Variants in FAM168A observed in about 807,000 individuals in gnomAD.
The protein encoded by FAM168A is family with sequence similarity 168 member A.
In FAM168A, 3 loss-of-function variants were observed where a neutral mutation model predicts 28.5. The ratio of observed to expected loss-of-function variants is 0.11; its 90% CI spans 0.05 to 0.27. The LOEUF is 0.27. FAM168A is among the 10% of genes least tolerant of loss of function. The pLI is 1.00. For missense variants in FAM168A, 222 were observed against 311.5 expected (o/e 0.71, Z 2.16); for synonymous variants, 122 against 124.2 (o/e 0.98, Z 0.12).
chr11:73,502,243 G>A (rs906223206), intron 1 of FAM168A, among the ~76,000 whole-genome samples: 1 of 149,588 alleles, frequency 6.7e-6, no homozygotes, highest in African/African-American at 2.5e-5. Flanking sequence ...TAACAAAATA[G>A]ATAGACTGCT....
At chr11:73,498,756 CAG>C (rs1233267065) in intron 1 of FAM168A, among the ~76,000 whole-genome samples, 2 of 152,208 alleles carry the variant, frequency 1.3e-5, no homozygotes, top group Non-Finnish European at 2.9e-5. Context: ...AGTCTGTGGG[CAG>C]AGTGCCAGTT....
At chr11:73,493,382 A>C (rs1854798240) in intron 1 of FAM168A, among the ~76,000 whole-genome samples, 1 of 152,042 alleles carries the variant, frequency 6.6e-6, no homozygotes. Context: ...CTGTGTATGT[A>C]TCTTTAGTTT....
chr11:73,548,248 T>C lies in FAM168A; in HGVS notation c.-19+49675A>G, dbSNP rs140221013. On this transcript the variant is annotated intron_variant, in intron 1 of 7. Transcript: ENST00000356467. ...ATTTTATGTTTTTCATCACAATTTA[T>C]AAATAAATAAATAAATAAGCAAGCA... Among the ~76,000 whole-genome samples, 718 of 151,896 alleles carry C rather than the reference T, an allele frequency of 4.7e-3. 4 individuals are homozygous for C. The highest frequency in any genetic ancestry group is 7.4e-3 in the Non-Finnish European group (504 of 67,918).
chr11:73,487,277 G>C (rs1868065910), intron 1 of FAM168A, among the ~76,000 whole-genome samples: 1 of 152,006 alleles, frequency 6.6e-6, no homozygotes, highest in South Asian at 2.1e-4. Flanking sequence ...CCTCTCCTAT[G>C]AATGTCCCCT....
intron 2 of FAM168A, among the ~76,000 whole-genome samples, chr11:73,445,373 C>G (rs1297761010): frequency 6.7e-6 from 1 of 149,016 alleles, no homozygotes; most frequent in African/African-American, 2.5e-5. Flanking sequence ...TCTGGCAGAG[C>G]CAGAACTAGA....
At chr11:73,518,909 C>T (rs766337530) in intron 1 of FAM168A, among the ~76,000 whole-genome samples, 18 of 151,706 alleles carry the variant, frequency 1.2e-4, no homozygotes, top group Non-Finnish European at 2.1e-4. Context: ...AAAATTGGCA[C>T]CTCCCTCAAC....
At chr11:73,499,177 C>G (rs773325838) in intron 1 of FAM168A, among the ~76,000 whole-genome samples, 1 of 152,116 alleles carries the variant, frequency 6.6e-6, no homozygotes, top group Admixed American at 6.5e-5. Context: ...GCTCTTCCAG[C>G]CTCCTTCAGT....
rs1866399123 is a variant in FAM168A, at chr11:73,401,115, A to ATTTT, written c.*5647_*5648insAAAA. 2 of 137,528 alleles carry ATTTT rather than the reference A, an allele frequency of 1.5e-5. No individual in the cohort carries two copies. The highest frequency in any genetic ancestry group is 6.0e-5 in the African/African-American group (2 of 33,208). 8.5% of individuals were successfully genotyped at this position (137,528 alleles called of 1,614,324 possible). On this transcript the variant is annotated 3_prime_UTR_variant, in exon 8 of 8. Coordinates refer to ENST00000356467, the MANE Select transcript of FAM168A (RefSeq NM_015159.3). The stretch of plus-strand genomic sequence containing the variant: ...TTATTATTATTATTATTATTATTTT[A>ATTTT]AATTTTATTTCTTTTTAAAATGTGA...
At chr11:73,568,865 C>T (rs1010257055) in intron 1 of FAM168A, among the ~76,000 whole-genome samples, 3 of 151,864 alleles carry the variant, frequency 2.0e-5, no homozygotes, top group Non-Finnish European at 2.9e-5. Flanking sequence ...ACTGCACAAG[C>T]GAAACCCTGT....
At chr11:73,557,890 C>A (rs1943909183) in intron 1 of FAM168A, among the ~76,000 whole-genome samples, 1 of 152,134 alleles carries the variant, frequency 6.6e-6, no homozygotes, top group Non-Finnish European at 1.5e-5. Context: ...AATTTTCAAC[C>A]AACATGCCAA....
At chr11:73,589,283 A>C (rs1446774048) in intron 1 of FAM168A, among the ~76,000 whole-genome samples, 2 of 152,176 alleles carry the variant, frequency 1.3e-5, no homozygotes, top group African/African-American at 4.8e-5. Flanking sequence ...ATAAAGAAAA[A>C]AACAGACCAA....
At chr11:73,454,462 C>T (rs1357462688) in intron 2 of FAM168A, among the ~76,000 whole-genome samples, 2 of 152,170 alleles carry the variant, frequency 1.3e-5, no homozygotes, top group Non-Finnish European at 2.9e-5. Context: ...TCAAGATTCA[C>T]GCTTGCCTTC....
chr11:73,414,203 G>A (rs7939378), intron 4 of FAM168A, among the ~76,000 whole-genome samples: 5,981 of 152,196 alleles, frequency 0.039, 408 homozygotes, highest in African/African-American at 0.14. Flanking sequence ...CATGTTTTTT[G>A]TAATTGAAGC....
intron 3 of FAM168A, among the ~76,000 whole-genome samples, chr11:73,424,212 T>A (rs1443259546): frequency 6.6e-6 from 1 of 152,166 alleles, no homozygotes; most frequent in African/African-American, 2.4e-5. Flanking sequence ...TCCTGACAGA[T>A]GCGCGACACA....
At chr11:73,563,332 A>G (rs1943981377) in intron 1 of FAM168A, among the ~76,000 whole-genome samples, 1 of 152,248 alleles carries the variant, frequency 6.6e-6, no homozygotes, top group African/African-American at 2.4e-5. Flanking sequence ...CTGCTTATCT[A>G]ATAATAGCTA....
At chr11:73,433,255 C>T (rs1348157775) in intron 2 of FAM168A, among the ~76,000 whole-genome samples, 2 of 151,510 alleles carry the variant, frequency 1.3e-5, no homozygotes, top group African/African-American at 4.9e-5. Context: ...TGTTACACTG[C>T]AGAAGTTCTT....
intron 1 of FAM168A, among the ~76,000 whole-genome samples, chr11:73,523,802 T>C (rs1943415527): frequency 6.6e-6 from 1 of 152,026 alleles, no homozygotes; most frequent in Non-Finnish European, 1.5e-5. Context: ...TTTCCTGAGA[T>C]AGCACAGGTA....
intron 1 of FAM168A, among the ~76,000 whole-genome samples, chr11:73,537,584 C>T (rs571987113): frequency 2.0e-5 from 3 of 152,214 alleles, no homozygotes; most frequent in East Asian, 3.9e-4. Context: ...CTCCAGGTTC[C>T]GTTCTCAGCT....
chr11:73,497,637 T>C (rs1341954671), intron 1 of FAM168A, among the ~76,000 whole-genome samples: 1 of 152,040 alleles, frequency 6.6e-6, no homozygotes, highest in African/African-American at 2.4e-5. Flanking sequence ...AGAGAGGGCA[T>C]GGTTAAAACT....
Sources: gnomAD v4.1 joint callset for allele counts (sites outside exome capture counted in the v4.1 genomes callset) on GRCh38, gnomAD v4.1.1 for gene constraint, MANE v1.5 for transcripts, NCBI Gene and HGNC (gene_info 2026-07-23, HGNC 2026-07-21) for gene names.